The following UBE2Q2 variants were observed in gnomAD, a reference collection of about 807,000 sequenced individuals.
The protein encoded by UBE2Q2 is ubiquitin-conjugating enzyme E2 Q2.
In UBE2Q2, 54 loss-of-function variants were observed where a neutral mutation model predicts 59.9. That is an observed-to-expected ratio of 0.90 (90% CI 0.72 to 1.13). The LOEUF is 1.13. UBE2Q2 is among the 50% of genes most tolerant of loss of function. The pLI is 0.00. For missense variants in UBE2Q2, 433 were observed against 441.9 expected (o/e 0.98, Z 0.18); for synonymous variants, 165 against 155.2 (o/e 1.06, Z -0.47).
rs1897025072 is a variant in UBE2Q2, at chr15:75,858,296, A to G, written c.283-1582A>G. ...GAATCTCACTTACAGTGCCATGGAT[A>G]TTCAAAATGATGACGTTTAAATTTG... On this transcript the variant is annotated intron_variant, in intron 2 of 12. Transcript: ENST00000267938. Among the ~76,000 whole-genome samples the G allele has an allele frequency of 2.6e-5, 4 of 152,340 alleles. No homozygotes were observed. The South Asian group carries it at 6.2e-4, about 24-fold the overall frequency.
At chr15:75,876,806 C>A (rs893626063) in intron 6 of UBE2Q2, among the ~76,000 whole-genome samples, 1 of 152,080 alleles carries the variant, frequency 6.6e-6, no homozygotes, top group Non-Finnish European at 1.5e-5. Flanking sequence ...AGGTAAAATT[C>A]TCATATTGTT....
At chr15:75,845,884 A>T (rs1896318957) in intron 1 of UBE2Q2, among the ~76,000 whole-genome samples, 2 of 152,232 alleles carry the variant, frequency 1.3e-5, no homozygotes, top group Non-Finnish European at 2.9e-5. Flanking sequence ...GAAATGGAGC[A>T]AGAAGTGAAT....
At chr15:75,872,533 C>CTTTTTTTTTT (rs374099581) in intron 4 of UBE2Q2, among the ~76,000 whole-genome samples, 1 of 114,794 alleles carries the variant, frequency 8.7e-6, no homozygotes. Flanking sequence ...TTTTCTTTTC[C>CTTTTTTTTTT]TTTTTTTTTT....
At chr15:75,869,103 G>A in intron 4 of UBE2Q2, 93 bp downstream of exon 4, 1 of 1,061,800 alleles carries the variant, frequency 9.4e-7, no homozygotes, top group Non-Finnish European at 1.4e-6. Flanking sequence ...TACTATTAAT[G>A]TGGAATAATT....
chr15:75,893,967 A>C (rs1158222094), intron 11 of UBE2Q2, among the ~76,000 whole-genome samples: 10 of 152,174 alleles, frequency 6.6e-5, no homozygotes, highest in Non-Finnish European at 1.5e-4. Context: ...AATGAACAAC[A>C]CTTCAAATAC....
At position 75,844,306 on chromosome 15, in the gene UBE2Q2, C is replaced by T. The variant is rs768793684; in HGVS notation, c.180+460C>T. ...TTCAGTCGGATTTTCCTTCTTCCCG[C>T]TTGTTCAGCCAATTGTTTTTAAGTT... On this transcript the variant is annotated intron_variant, in intron 1 of 12. Transcript: ENST00000267938. The T allele has an allele frequency of 3.2e-6, 5 of 1,547,632 alleles. No individual in the cohort carries two copies. The African/African-American group carries it at 6.9e-5, about 21-fold the overall frequency.
Position 75,900,438 on chromosome 15 carries a change from A to T in UBE2Q2, c.*980A>T, listed in dbSNP as rs919082435. 5 of 152,674 alleles carry T rather than the reference A, an allele frequency of 3.3e-5. No individual in the cohort carries two copies. Among genetic ancestry groups the T allele is most frequent in the African/African-American group, 1.2e-4 (5 of 41,466 alleles). 9.5% of individuals were successfully genotyped at this position (152,674 alleles called of 1,614,324 possible). ...AAACTCTACATATGTTAATTTTTTTATAGAACCTGACTCAAATCAAGGTAC... is the reference window on the plus strand; with the variant it reads ...AAACTCTACATATGTTAATTTTTTTTTAGAACCTGACTCAAATCAAGGTAC... On this transcript the variant is annotated 3_prime_UTR_variant, in exon 13 of 13. Transcript: ENST00000267938.
intron 3 of UBE2Q2, among the ~76,000 whole-genome samples, chr15:75,865,349 G>T (rs1897406256): frequency 6.6e-6 from 1 of 152,192 alleles, no homozygotes; most frequent in South Asian, 2.1e-4. Flanking sequence ...TTCCTATTGT[G>T]TGTAGCTATA....
intron 1 of UBE2Q2, among the ~76,000 whole-genome samples, chr15:75,852,764 G>T (rs1249449073): frequency 1.3e-5 from 2 of 152,178 alleles, no homozygotes; most frequent in Non-Finnish European, 2.9e-5. Flanking sequence ...GATTAATTCT[G>T]GAGAGTTTCT....
chr15:75,869,504 T>G (rs1443987442), intron 4 of UBE2Q2, among the ~76,000 whole-genome samples: 1 of 152,224 alleles, frequency 6.6e-6, no homozygotes, highest in East Asian at 1.9e-4. Flanking sequence ...AACAGACATT[T>G]ATTTTCTCAC....
At chr15:75,875,471 T>C (rs1375580745) in intron 5 of UBE2Q2, among the ~76,000 whole-genome samples, 1 of 152,246 alleles carries the variant, frequency 6.6e-6, no homozygotes, top group Admixed American at 6.5e-5. Context: ...TTTCTCAGTG[T>C]CTTAATGTGC....
intron 8 of UBE2Q2, among the ~76,000 whole-genome samples, chr15:75,879,435 T>G (rs1898272531): frequency 6.6e-6 from 1 of 152,160 alleles, no homozygotes. Context: ...AAATGGAGAA[T>G]TGTGGTGTTT....
intron 3 of UBE2Q2, among the ~76,000 whole-genome samples, chr15:75,861,682 A>T (rs944972663): frequency 1.2e-4 from 18 of 152,054 alleles, no homozygotes; most frequent in Admixed American, 1.0e-3. Flanking sequence ...TTTTTCTTTC[A>T]ACTTTTGGAA....
chr15:75,844,136 G>T, intron 1 of UBE2Q2: 3 of 1,420,124 alleles, frequency 2.1e-6, no homozygotes, highest in Non-Finnish European at 2.7e-6. Context: ...GTCCGCGGCG[G>T]CCCAAGCCCT....
intron 1 of UBE2Q2, among the ~76,000 whole-genome samples, chr15:75,850,495 G>A (rs1896578885): frequency 6.6e-6 from 1 of 152,216 alleles, no homozygotes; most frequent in Admixed American, 6.5e-5. Context: ...AGAACTAGAG[G>A]TCTAGCTTCA....
At chr15:75,859,710 G>C (rs1439997574) in intron 2 of UBE2Q2, among the ~76,000 whole-genome samples, 168 bp from the exon 3 acceptor site, 1 of 152,154 alleles carries the variant, frequency 6.6e-6, no homozygotes, top group East Asian at 1.9e-4. Context: ...TCTTACACTA[G>C]AGGGTCCTGA....
At chr15:75,892,245 G>A (rs1899146353) in intron 11 of UBE2Q2, among the ~76,000 whole-genome samples, 1 of 152,138 alleles carries the variant, frequency 6.6e-6, no homozygotes, top group Non-Finnish European at 1.5e-5. Flanking sequence ...CTTTTTGTAG[G>A]AAAGCATCTC....
rs1275195042 is a variant in UBE2Q2, at chr15:75,879,129, C to G, written c.766C>G (p.Leu256Val). ...CCCTGATAGTCCTTTGCACAGTGAT[C>G]TTCAGATCTTAAAAGAAAAAGAAGG... ...VDPDSPLHSD[L>V]QILKEKEGIE... Residue 256 changes from leucine to valine, a missense_variant, in exon 8 of 13, where the codon CTT becomes GTT. By Grantham distance (32) the Leu-to-Val change is conservative (BLOSUM62 1). Transcript: ENST00000267938. 1 of 1,598,342 alleles carries G rather than the reference C, an allele frequency of 6.3e-7. No homozygotes were observed. Among genetic ancestry groups the G allele is most frequent in the Middle Eastern group, 1.7e-4 (1 of 5,960 alleles).
intron 2 of UBE2Q2, among the ~76,000 whole-genome samples, chr15:75,856,257 G>A (rs1896900237): frequency 9.9e-6 from 1 of 101,176 alleles, no homozygotes; most frequent in African/African-American, 3.9e-5. Context: ...GTGTGTGTGT[G>A]TGTGTGTGTG....
Sources: allele counts gnomAD v4.1 joint callset (sites outside exome capture counted in the v4.1 genomes callset), GRCh38; gene constraint gnomAD v4.1.1; transcripts MANE v1.5; gene names NCBI Gene and HGNC (gene_info 2026-07-23, HGNC 2026-07-21).